IL1RAPL1: variants seen among roughly 807,000 people sequenced by gnomAD.
IL1RAPL1 encodes the protein interleukin-1 receptor accessory protein-like 1.
A neutral mutation model predicts 48.4 loss-of-function variants in IL1RAPL1; 3 were observed. The observed-to-expected ratio is 0.06, with a 90% CI of 0.03 to 0.16. The LOEUF is 0.16. Among genes scored for constraint, IL1RAPL1 ranks in the 10% least tolerant of loss-of-function variants. The pLI, the probability that IL1RAPL1 is intolerant of heterozygous loss-of-function variation, is 1.00. For synonymous variants in IL1RAPL1, 185 were observed against 187.7 expected (o/e 0.99, Z 0.12); for missense variants, 349 against 530.6 (o/e 0.66, Z 3.36).
chrX:28,985,148 C>T (rs1422809013), intron 2 of IL1RAPL1, among the ~76,000 whole-genome samples: 1 of 111,495 alleles, frequency 9.0e-6, no homozygotes, highest in East Asian at 2.8e-4. Context: ...AGGTTTTGTT[C>T]ATTTGGGATA....
rs182960898 is a variant in IL1RAPL1, at chrX:28,645,328, C to A, written c.-25+57281C>A. On this transcript the variant is annotated intron_variant, in intron 1 of 10. Transcript: ENST00000378993. ...TGCCATTGCACTCCAGCCTGGGCAA[C>A]AAGAGTGAAATTCCGCCTCAAAAAA... Among the ~76,000 whole-genome samples, 4 of 55,046 alleles carry A rather than the reference C, an allele frequency of 7.3e-5. No individual in the cohort carries two copies. In the East Asian group the frequency reaches 2.7e-3, roughly 38 times the overall value. The allele number at this position is 55,046 out of a possible 115,157, so 47.8% of individuals were successfully genotyped here.
intron 2 of IL1RAPL1, among the ~76,000 whole-genome samples, chrX:28,851,306 AC>A (rs1261267618): frequency 9.0e-6 from 1 of 110,518 alleles, no homozygotes; most frequent in Non-Finnish European, 1.9e-5. Context: ...CCTTAACTGC[AC>A]ACATATTTTG....
chrX:29,502,289 T>G (rs1201751353), intron 5 of IL1RAPL1, among the ~76,000 whole-genome samples: 1 of 111,597 alleles, frequency 9.0e-6, no homozygotes, highest in African/African-American at 3.3e-5. Flanking sequence ...TATCTTCCTT[T>G]CCAATTTTGA....
intron 1 of IL1RAPL1, among the ~76,000 whole-genome samples, chrX:28,598,892 T>G (rs1254289640): frequency 9.3e-6 from 1 of 107,229 alleles, no homozygotes; most frequent in Non-Finnish European, 1.9e-5. Flanking sequence ...CCTCCCAAAG[T>G]GCTGGGATTA....
intron 5 of IL1RAPL1, among the ~76,000 whole-genome samples, chrX:29,575,097 A>G (rs929744276): frequency 9.0e-6 from 1 of 111,607 alleles, no homozygotes; most frequent in African/African-American, 3.3e-5. Flanking sequence ...TGAGCCCTCC[A>G]ACTGTTCCAC....
intron 2 of IL1RAPL1, 103 bp from the exon 3 acceptor site, chrX:29,282,835 G>A: frequency 2.4e-6 from 2 of 849,705 alleles, no homozygotes; most frequent in South Asian, 4.4e-5. Context: ...GACCCAATAT[G>A]GATGCTCAGT....
chrX:28,993,151 T>C (rs1925650751), intron 2 of IL1RAPL1, among the ~76,000 whole-genome samples: 1 of 112,421 alleles, frequency 8.9e-6, no homozygotes, highest in South Asian at 3.6e-4. Flanking sequence ...TTCATTGTCC[T>C]ATTTTTTGCA....
intron 5 of IL1RAPL1, among the ~76,000 whole-genome samples, chrX:29,606,270 A>G (rs1923888846): frequency 8.9e-6 from 1 of 111,929 alleles, no homozygotes; most frequent in South Asian, 3.7e-4. Flanking sequence ...GTCACAGTGA[A>G]AGTCTATGAA....
intron 2 of IL1RAPL1, among the ~76,000 whole-genome samples, chrX:28,931,080 A>G (rs970305265): frequency 2.7e-5 from 3 of 111,722 alleles, no homozygotes; most frequent in African/African-American, 9.8e-5. Context: ...GTGATATTGC[A>G]TAAGTATTTT....
intron 2 of IL1RAPL1, among the ~76,000 whole-genome samples, chrX:29,027,128 T>G (rs1926502815): frequency 8.9e-6 from 1 of 111,938 alleles, no homozygotes; most frequent in Non-Finnish European, 1.9e-5. Flanking sequence ...ATGAGCTGTA[T>G]CTACCATTAT....
chrX:28,780,605 T>C (rs1363626827), intron 1 of IL1RAPL1, among the ~76,000 whole-genome samples: 1 of 110,522 alleles, frequency 9.0e-6, no homozygotes, highest in Non-Finnish European at 1.9e-5. Flanking sequence ...GTAATATAAT[T>C]TGATCCTTTA....
chrX:29,012,629 C>T (rs1199440456), intron 2 of IL1RAPL1, among the ~76,000 whole-genome samples: 1 of 111,665 alleles, frequency 9.0e-6, no homozygotes, highest in African/African-American at 3.3e-5. Context: ...GGGGACAATA[C>T]CCCAAAGAAA....
chrX:29,074,604 T>G, intron 2 of IL1RAPL1, among the ~76,000 whole-genome samples: 1 of 112,033 alleles, frequency 8.9e-6, no homozygotes. Context: ...TTTCCATGTT[T>G]TCATTAATAA....
intron 3 of IL1RAPL1, among the ~76,000 whole-genome samples, chrX:29,286,248 C>T (rs1932281943): frequency 8.9e-6 from 1 of 112,015 alleles, no homozygotes; most frequent in African/African-American, 3.2e-5. Flanking sequence ...TCCATACTTA[C>T]TGGCTCTTTA....
In IL1RAPL1 at chrX:29,864,477, T is replaced by A. The variant is rs144664077; in HGVS notation, c.779-52987T>A. Among the ~76,000 whole-genome samples the A allele has an allele frequency of 9.7e-3, 1,081 of 111,999 alleles. 11 individuals are homozygous for A. The highest frequency in any genetic ancestry group is 0.032 in the African/African-American group (985 of 30,777). ...GAATGGGTTGTTAGAATGCTTTGTTTTTTAGCATTAACAGAAGAATGTCAG... is the reference window on the plus strand; with the variant it reads ...GAATGGGTTGTTAGAATGCTTTGTTATTTAGCATTAACAGAAGAATGTCAG... On this transcript the variant is annotated intron_variant, in intron 6 of 10. Transcript: ENST00000378993.
In IL1RAPL1 at chrX:29,632,839, A is replaced by G. The variant is rs149783363; in HGVS notation, c.704-35591A>G. Among the ~76,000 whole-genome samples the G allele has an allele frequency of 5.4e-3, 608 of 111,988 alleles. 4 individuals carry two copies. Among genetic ancestry groups the G allele is most frequent in the African/African-American group, 0.019 (581 of 30,812 alleles). On this transcript the variant is annotated intron_variant, in intron 5 of 10. Transcript: ENST00000378993. The stretch of plus-strand genomic sequence containing the variant: ...TAATGATTTTATGTCTGTCAATCCT[A>G]TCTCACAAATATTTGTCTGCTACAT...
rs780813780 is a variant in IL1RAPL1, at chrX:29,637,518, G to A, written c.704-30912G>A. ...ATTTTAAAGTTGATATATATGAATT[G>A]GAGAAGGTATATATGTATGTTTTAA... On this transcript the variant is annotated intron_variant, in intron 5 of 10. Transcript: ENST00000378993. Among the ~76,000 whole-genome samples, 4 of 111,108 alleles carry A rather than the reference G, an allele frequency of 3.6e-5. No homozygotes were observed. The South Asian group carries it at 1.5e-3, about 42-fold the overall frequency.
At chrX:28,597,587 C>T (rs6526790) in intron 1 of IL1RAPL1, among the ~76,000 whole-genome samples, 50,088 of 108,675 alleles carry the variant, frequency 0.46, 8,437 homozygotes, top group East Asian at 0.62. Context: ...CAAAATTAGC[C>T]GGGCATGGTG....
intron 1 of IL1RAPL1, among the ~76,000 whole-genome samples, chrX:28,762,599 C>T (rs1936184884): frequency 9.1e-6 from 1 of 109,637 alleles, no homozygotes. Context: ...ACTTTGCATC[C>T]TATCTGCATT....
Sources: allele counts gnomAD v4.1 joint callset (sites outside exome capture counted in the v4.1 genomes callset), GRCh38; gene constraint gnomAD v4.1.1; transcripts MANE v1.5; gene names NCBI Gene and HGNC (gene_info 2026-07-23, HGNC 2026-07-21).